The following ADAMTS17 variants were observed in gnomAD, a reference collection of about 807,000 sequenced individuals.
ADAMTS17 encodes the protein ADAM metallopeptidase with thrombospondin type 1 motif 17, also known as A disintegrin and metalloproteinase with thrombospondin motifs 17.
Under a neutral mutation model 141.5 loss-of-function variants are expected in ADAMTS17, and 113 were observed. The ratio of observed to expected loss-of-function variants is 0.80; its 90% CI spans 0.69 to 0.93. The LOEUF is 0.93. Among genes scored for constraint, ADAMTS17 ranks in the 40% least tolerant of loss-of-function variants. The pLI is 0.00. For missense variants in ADAMTS17, 1,659 were observed against 1,517.9 expected (o/e 1.09, Z -1.54); for synonymous variants, 768 against 630.6 (o/e 1.22, Z -3.27).
At chr15:100,262,482 TA>T in intron 4 of ADAMTS17, 47 bp from the exon 5 acceptor site, 1 of 1,498,446 alleles carries the variant, frequency 6.7e-7, no homozygotes. Flanking sequence ...TAAAAAATTT[TA>T]AAAATACAGT....
chr15:100,099,806 A>G (rs1197852641), intron 14 of ADAMTS17, among the ~76,000 whole-genome samples: 2 of 152,230 alleles, frequency 1.3e-5, no homozygotes, highest in Non-Finnish European at 2.9e-5. Context: ...TGGTCAAGAC[A>G]GCTCCTGAGA....
chr15:100,171,985 T>A (rs2040177915), intron 8 of ADAMTS17, among the ~76,000 whole-genome samples: 1 of 152,010 alleles, frequency 6.6e-6, no homozygotes, highest in African/African-American at 2.4e-5. Context: ...ACATAAGAAA[T>A]CAGAGGCAAG....
chr15:100,133,065 C>A, intron 11 of ADAMTS17, 149 bp downstream of exon 11: 1 of 659,980 alleles, frequency 1.5e-6, no homozygotes, highest in Non-Finnish European at 2.6e-6. Context: ...CCACTCTGTG[C>A]CCGGAGTGGC....
rs143439308 is a variant in ADAMTS17 at position 100,091,409 on chromosome 15, A to C, written c.2137+4947T>G. On this transcript the variant is annotated intron_variant, in intron 15 of 21. Transcript: ENST00000268070. Reference sequence around the variant, plus strand: ...CAAGCAGGAGAAATCCAGTTACAGGAACATGATTTGGTTTCATGAGGAAGC... The same window carrying C: ...CAAGCAGGAGAAATCCAGTTACAGGCACATGATTTGGTTTCATGAGGAAGC... Among the ~76,000 whole-genome samples, 37 of 152,296 alleles carry C rather than the reference A, an allele frequency of 2.4e-4. No individual in the cohort carries two copies. In the East Asian group the frequency reaches 6.9e-3, roughly 29 times the overall value.
intron 7 of ADAMTS17, among the ~76,000 whole-genome samples, chr15:100,215,647 C>G (rs2041947273): frequency 6.6e-6 from 1 of 152,124 alleles, no homozygotes; most frequent in Non-Finnish European, 1.5e-5. Context: ...ACTCAGTCAG[C>G]AGACCCTGGA....
intron 18 of ADAMTS17, among the ~76,000 whole-genome samples, chr15:100,024,779 C>T (rs1426968978): frequency 6.6e-6 from 1 of 152,214 alleles, no homozygotes; most frequent in Non-Finnish European, 1.5e-5. Flanking sequence ...GCAGCAGTGT[C>T]CAGGCTACAG....
chr15:100,215,725 AG>A (rs1469723344), intron 7 of ADAMTS17, among the ~76,000 whole-genome samples: 3 of 152,034 alleles, frequency 2.0e-5, no homozygotes, highest in Non-Finnish European at 4.4e-5. Context: ...TCTGTAGGTA[AG>A]GGCAAATGGG....
intron 6 of ADAMTS17, 105 bp downstream of exon 6, chr15:100,261,374 G>A (rs1381278199): frequency 1.3e-6 from 2 of 1,518,858 alleles, no homozygotes; most frequent in East Asian, 2.3e-5. Flanking sequence ...GGTGGCCCAA[G>A]GTCTGATTTC....
At chr15:100,301,784 G>T (rs572101524) in intron 3 of ADAMTS17, among the ~76,000 whole-genome samples, 1 of 152,066 alleles carries the variant, frequency 6.6e-6, no homozygotes, top group Non-Finnish European at 1.5e-5. Context: ...TTTTGAATAA[G>T]AATTTAGCAT....
At chr15:100,318,943 A>G (rs1377306973) in intron 3 of ADAMTS17, among the ~76,000 whole-genome samples, 18 of 152,250 alleles carry the variant, frequency 1.2e-4, no homozygotes, top group Admixed American at 1.1e-3. Flanking sequence ...CCAGCGGGAC[A>G]TGGGCAGGGT....
At chr15:100,264,566 A>G (rs1329501250) in intron 4 of ADAMTS17, among the ~76,000 whole-genome samples, 2 of 152,208 alleles carry the variant, frequency 1.3e-5, no homozygotes, top group Non-Finnish European at 2.9e-5. Context: ...ATCCTCAGTC[A>G]TATTCTGATA....
intron 3 of ADAMTS17, among the ~76,000 whole-genome samples, chr15:100,327,994 G>A (rs1596533477): frequency 6.6e-6 from 1 of 152,198 alleles, no homozygotes; most frequent in East Asian, 1.9e-4. Flanking sequence ...AGTACACTGA[G>A]TGCTTCATGG....
In ADAMTS17 at chr15:99,997,574, C is replaced by T. The variant is rs151305163; in HGVS notation, c.2607G>A (p.Pro869=). The change falls in exon 19 of 22, where the codon CCG becomes CCA. Residue 869 remains proline, a synonymous_variant. Coordinates refer to ENST00000268070, the MANE Select transcript of ADAMTS17 (RefSeq NM_139057.4). This position sits in a 1 kb window ranked among gnomAD's most constrained non-coding sequence, Gnocchi z 4.7. ...CACAGGTCGCCGAGCAGGGGCTCCACGGGCCTGCCACCCACCTGCCAGACG... is the reference window on the plus strand; with the variant it reads ...CACAGGTCGCCGAGCAGGGGCTCCATGGGCCTGCCACCCACCTGCCAGACG... ...HPCQSRWVAG[P]WSPCSATCEK... 267 of 1,612,422 alleles carry T rather than the reference C, an allele frequency of 1.7e-4. 1 individual carries two copies. In the African/African-American group the frequency reaches 3.1e-3, roughly 18 times the overall value.
intron 18 of ADAMTS17, among the ~76,000 whole-genome samples, chr15:100,005,614 T>C (rs772976690): frequency 6.6e-6 from 1 of 152,062 alleles, no homozygotes. Flanking sequence ...ACCCAGATAA[T>C]CCAGAATAAT....
chr15:100,027,498 G>C (rs1402480189), intron 18 of ADAMTS17, among the ~76,000 whole-genome samples: 1 of 152,220 alleles, frequency 6.6e-6, no homozygotes, highest in African/African-American at 2.4e-5. Flanking sequence ...ACTATGGCCT[G>C]AGGGCCAAAT....
intron 8 of ADAMTS17, among the ~76,000 whole-genome samples, chr15:100,161,575 T>C (rs2141410936): frequency 6.6e-6 from 1 of 152,326 alleles, no homozygotes; most frequent in South Asian, 2.1e-4. Context: ...GAATGGCCCA[T>C]GGCAGTTTCT....
In ADAMTS17 at chr15:100,153,301, A is replaced by C. The variant is rs750323105; in HGVS notation, c.1323-539T>G. On this transcript the variant is annotated intron_variant, in intron 9 of 21. Coordinates refer to ENST00000268070, the MANE Select transcript of ADAMTS17 (RefSeq NM_139057.4). Reference sequence around the variant, plus strand: ...ACTCGCCGAGGACTTCAGGATTTCAACTGGGGTGGGAGCATTCATTCACAG... The same window carrying C: ...ACTCGCCGAGGACTTCAGGATTTCACCTGGGGTGGGAGCATTCATTCACAG... Among the ~76,000 whole-genome samples the C allele has an allele frequency of 7.9e-4, 121 of 152,234 alleles. 1 individual carries two copies. Among genetic ancestry groups the C allele is most frequent in the Admixed American group, 3.3e-3 (50 of 15,296 alleles).
intron 8 of ADAMTS17, among the ~76,000 whole-genome samples, chr15:100,159,329 TA>T (rs1162275259): frequency 6.6e-6 from 1 of 152,232 alleles, no homozygotes; most frequent in Non-Finnish European, 1.5e-5. Flanking sequence ...GGGTGAACCT[TA>T]AGGACTTTAT....
At chr15:100,169,659 C>T (rs546369163) in intron 8 of ADAMTS17, among the ~76,000 whole-genome samples, 4 of 152,240 alleles carry the variant, frequency 2.6e-5, no homozygotes, top group South Asian at 2.1e-4. Context: ...AGCAAAGAAC[C>T]GGCACCTGCT....
Sources: gnomAD v4.1 joint callset for allele counts (sites outside exome capture counted in the v4.1 genomes callset) on GRCh38, gnomAD v4.1.1 for gene constraint, Gnocchi (gnomAD v3.1) non-coding constraint, MANE v1.5 for transcripts, NCBI Gene and HGNC (gene_info 2026-07-23, HGNC 2026-07-21) for gene names.